The following CACNA2D4 variants were observed in gnomAD, a reference collection of about 807,000 sequenced individuals.
CACNA2D4 encodes calcium voltage-gated channel auxiliary subunit alpha2delta 4, also known as voltage-dependent calcium channel subunit alpha-2/delta-4.
A neutral mutation model predicts 163.8 loss-of-function variants in CACNA2D4; 157 were observed. The ratio of observed to expected loss-of-function variants is 0.96; its 90% CI spans 0.84 to 1.09. The LOEUF is 1.09. Among genes scored for constraint, CACNA2D4 ranks in the 50% least tolerant of loss-of-function variants. The pLI is 0.00. For missense variants in CACNA2D4, 1,410 were observed against 1,479.9 expected (o/e 0.95, Z 0.78); for synonymous variants, 598 against 586.9 (o/e 1.02, Z -0.27).
intron 26 of CACNA2D4, chr12:1,830,799 G>A (rs377052950): frequency 3.2e-4 from 222 of 689,890 alleles, no homozygotes; most frequent in African/African-American, 3.2e-3. Context: ...GTTAATAAAC[G>A]TTTATGCATT....
chr12:1,914,838 G>A lies in CACNA2D4; in HGVS notation c.309+16C>T. ...CCTCTGCCACCCGGTGGGCTCTCTG[G>A]AAGGGGGTGACTGACCTTCTGCAGC... On this transcript the variant is annotated intron_variant, in intron 2 of 37. Coordinates refer to ENST00000382722, the MANE Select transcript of CACNA2D4 (RefSeq NM_172364.5). The A allele has an allele frequency of 6.3e-7, 1 of 1,599,810 alleles. No individual in the cohort carries two copies. The highest frequency in any genetic ancestry group is 8.6e-7 in the Non-Finnish European group (1 of 1,166,952).
At position 1,834,814 on chromosome 12, in the gene CACNA2D4, G is replaced by C; in HGVS notation, c.2551+5925C>G. 1 of 1,451,142 alleles carries C rather than the reference G, an allele frequency of 6.9e-7. No individual in the cohort carries two copies. Among genetic ancestry groups the C allele is most frequent in the East Asian group, 2.4e-5 (1 of 40,842 alleles). 89.9% of individuals were successfully genotyped at this position (1,451,142 alleles called of 1,614,324 possible). A position where few individuals can be genotyped will look rare whatever the true frequency, so the allele number is the denominator to read the frequency against. On this transcript the variant is annotated intron_variant, in intron 26 of 37. Transcript: ENST00000382722. This position sits in a 1 kb window ranked among gnomAD's most constrained non-coding sequence, Gnocchi z 7.6. Reference sequence around the variant, plus strand: ...CCACCTTGACCCGGCGCTGGCCACTGCCTCCCCGAGTCCACCCTCCTCCCC... The same window carrying C: ...CCACCTTGACCCGGCGCTGGCCACTCCCTCCCCGAGTCCACCCTCCTCCCC...
Position 1,833,485 on chromosome 12 carries a change from C to T in CACNA2D4, c.2551+7254G>A, listed in dbSNP as rs1475834005. 2.6e-5 allele frequency among the ~76,000 whole-genome samples: 4 copies of T among 152,250 alleles called. No individual in the cohort carries two copies. The highest frequency in any genetic ancestry group is 4.2e-4 in the South Asian group (2 of 4,814). On this transcript the variant is annotated intron_variant, in intron 26 of 37. Coordinates refer to ENST00000382722, the MANE Select transcript of CACNA2D4 (RefSeq NM_172364.5). This position sits in a 1 kb window ranked among gnomAD's most constrained non-coding sequence, Gnocchi z 4.2. ...CACCATCATCATGAAGACATCCTGGCGAGCCCGTGCGCCCAGGTACCCACA... is the reference window on the plus strand; with the variant it reads ...CACCATCATCATGAAGACATCCTGGTGAGCCCGTGCGCCCAGGTACCCACA...
rs886944 is a variant in CACNA2D4 at position 1,828,620 on chromosome 12, G to C, written c.2551+12119C>G. On this transcript the variant is annotated intron_variant, in intron 26 of 37. Transcript: ENST00000382722. This position sits in a 1 kb window ranked among gnomAD's most constrained non-coding sequence, Gnocchi z 4.2. Reference sequence around the variant, plus strand: ...CTGCGGCGAGCCCTTTTGCTCCCGTGGGGAACTGCCCCCTTGGCTGGCCTC... The same window carrying C: ...CTGCGGCGAGCCCTTTTGCTCCCGTCGGGAACTGCCCCCTTGGCTGGCCTC... 0.86 allele frequency among the ~76,000 whole-genome samples: 130,658 copies of C among 152,264 alleles called. 56,421 individuals carry two copies. Among genetic ancestry groups the C allele is most frequent in the East Asian group, 0.94 (4,876 of 5,162 alleles).
intron 26 of CACNA2D4, among the ~76,000 whole-genome samples, chr12:1,819,145 G>A (rs138515954): frequency 0.01 from 1,534 of 152,266 alleles, 25 homozygotes; most frequent in African/African-American, 0.035. Context: ...ACCTTGCAGG[G>A]GGCGTTTAAG....
At chr12:1,886,136 G>A in intron 8 of CACNA2D4, 87 bp downstream of exon 8, 1 of 1,542,894 alleles carries the variant, frequency 6.5e-7, no homozygotes, top group Non-Finnish European at 9.0e-7. Context: ...AGGTCACCGG[G>A]TGGTCAGGGG....
chr12:1,847,274 A>G (rs866271619), intron 23 of CACNA2D4, among the ~76,000 whole-genome samples: 1 of 152,214 alleles, frequency 6.6e-6, no homozygotes, highest in Non-Finnish European at 1.5e-5. Flanking sequence ...TACTTTGACC[A>G]GGGTGGGAAG....
intron 35 of CACNA2D4, chr12:1,796,024 C>A: frequency 1.8e-6 from 1 of 552,894 alleles, no homozygotes; most frequent in Non-Finnish European, 3.3e-6. Context: ...TGAGGAAGTC[C>A]AAACTGGGCC....
intron 6 of CACNA2D4, among the ~76,000 whole-genome samples, chr12:1,903,703 C>CA (rs1866589860): frequency 6.6e-6 from 1 of 151,054 alleles, no homozygotes; most frequent in South Asian, 2.1e-4. Context: ...GGCTTGTATC[C>CA]AAAAAACAGG....
chr12:1,847,466 T>G (rs768720914), intron 23 of CACNA2D4, among the ~76,000 whole-genome samples: 3 of 152,314 alleles, frequency 2.0e-5, no homozygotes, highest in Admixed American at 1.3e-4. Flanking sequence ...GACCTGTGTC[T>G]GTGGGTGGTA....
chr12:1,895,624 A>G (rs1169884143), intron 6 of CACNA2D4, among the ~76,000 whole-genome samples: 3 of 152,118 alleles, frequency 2.0e-5, no homozygotes, highest in Middle Eastern at 6.3e-3. Context: ...TCTTTTTAAA[A>G]ATTAATTACT....
At chr12:1,896,637 ACAC>A (rs1234175899) in intron 6 of CACNA2D4, among the ~76,000 whole-genome samples, 7,276 of 143,744 alleles carry the variant, frequency 0.051, 356 homozygotes, top group African/African-American at 0.13. Context: ...ACACACACAC[ACAC>A]ACACACACAC....
chr12:1,818,371 C>T (rs1257212672), intron 26 of CACNA2D4, among the ~76,000 whole-genome samples: 3 of 151,796 alleles, frequency 2.0e-5, no homozygotes, highest in Non-Finnish European at 2.9e-5. Flanking sequence ...GGATGGTTGC[C>T]GTGTCTGTGT....
chr12:1,837,460 G>A (rs1402565173), intron 26 of CACNA2D4, among the ~76,000 whole-genome samples: 1 of 152,140 alleles, frequency 6.6e-6, no homozygotes, highest in Non-Finnish European at 1.5e-5. Flanking sequence ...GGATGAGGAA[G>A]AGCATGAGAC....
chr12:1,797,990 C>T (rs1444900773), intron 34 of CACNA2D4, among the ~76,000 whole-genome samples: 1 of 152,172 alleles, frequency 6.6e-6, no homozygotes, highest in African/African-American at 2.4e-5. Flanking sequence ...TCCTGCCCTG[C>T]TCTCCCGCAC....
chr12:1,834,506 C>G lies in CACNA2D4; in HGVS notation c.2551+6233G>C. 6.2e-7 allele frequency: 1 copy of G among 1,607,320 alleles called. No homozygotes were observed. The highest frequency in any genetic ancestry group is 1.1e-5 in the South Asian group (1 of 91,062). On this transcript the variant is annotated intron_variant, in intron 26 of 37. Coordinates refer to ENST00000382722, the MANE Select transcript of CACNA2D4 (RefSeq NM_172364.5). The surrounding 1 kb of genome is among the most constrained non-coding windows in gnomAD (Gnocchi z 7.6). ...AGCCTGCCCACAGAAGCAGAGGCAC[C>G]GGCCGGCGAGCGTGAGGCGAGCCAT... is the stretch of plus-strand genomic sequence containing the variant.
chr12:1,874,516 G>A lies in CACNA2D4; in HGVS notation c.1878+88C>T. 1 of 869,310 alleles carries A rather than the reference G, an allele frequency of 1.2e-6. No homozygotes were observed. Among genetic ancestry groups the A allele is most frequent in the Non-Finnish European group, 1.9e-6 (1 of 520,570 alleles). 53.8% of individuals were successfully genotyped at this position (869,310 alleles called of 1,614,324 possible). The stretch of plus-strand genomic sequence containing the variant: ...CACTCAACTCTTCAGCTATAATTAG[G>A]CTAAGTCCAGGTCCCTCGTCACTAC... On this transcript the variant is annotated intron_variant, in intron 18 of 37. Coordinates refer to ENST00000382722, the MANE Select transcript of CACNA2D4 (RefSeq NM_172364.5). This position sits in a 1 kb window ranked among gnomAD's most constrained non-coding sequence, Gnocchi z 4.4.
chr12:1,896,654 C>CACACACACAAAAAA (rs1555186444), intron 6 of CACNA2D4, among the ~76,000 whole-genome samples: 1 of 123,902 alleles, frequency 8.1e-6, no homozygotes, highest in African/African-American at 3.0e-5. Context: ...CACACACACA[C>CACACACACAAAAAA]AAAACAGATG....
chr12:1,817,132 C>T (rs75340143), intron 26 of CACNA2D4, among the ~76,000 whole-genome samples: 1,541 of 152,290 alleles, frequency 0.01, 26 homozygotes, highest in African/African-American at 0.035. Context: ...TCTTTTGTAA[C>T]ACAAGCTGAG....
Sources: allele counts gnomAD v4.1 joint callset (sites outside exome capture counted in the v4.1 genomes callset), GRCh38; gene constraint gnomAD v4.1.1; non-coding constraint Gnocchi (gnomAD v3.1); transcripts MANE v1.5; gene names NCBI Gene and HGNC (gene_info 2026-07-23, HGNC 2026-07-21).